CACHD1: variants seen among roughly 807,000 people sequenced by gnomAD.
CACHD1 encodes the protein VWFA and cache domain-containing protein 1.
Under a neutral mutation model 138.7 loss-of-function variants are expected in CACHD1, and 71 were observed. The observed-to-expected ratio is 0.51, with a 90% CI of 0.42 to 0.62. The LOEUF (loss-of-function observed/expected upper bound fraction) is 0.62. CACHD1 is among the 20% of genes least tolerant of loss of function. The probability of loss-of-function intolerance (pLI) is 0.00; values close to 1 mark genes in which losing one functional copy is unlikely to be tolerated. For missense variants in CACHD1, 1,389 were observed against 1,625.3 expected, an observed-to-expected ratio of 0.85 and a Z score of 2.50; for synonymous variants, 578 against 591.5, an observed-to-expected ratio of 0.98 and a Z score of 0.33.
At chr1:64,563,595 A>C (rs957051237) in intron 2 of CACHD1, 3 of 152,220 alleles carry the variant, frequency 2.0e-5, no homozygotes, top group Non-Finnish European at 2.9e-5. Flanking sequence ...TGAACCTTAA[A>C]GAGACAGCAC....
intron 1 of CACHD1, among the ~76,000 whole-genome samples, chr1:64,477,923 C>T (rs922161736): frequency 5.3e-5 from 8 of 151,816 alleles, no homozygotes; most frequent in Non-Finnish European, 1.2e-4. Flanking sequence ...CGTGAGCCAC[C>T]GCGCCCGGCC....
At chr1:64,681,548 T>TTTG (rs1557555797) in intron 25 of CACHD1, among the ~76,000 whole-genome samples, 1 of 114,266 alleles carries the variant, frequency 8.8e-6, no homozygotes, top group East Asian at 2.3e-4. Context: ...TGTGTTTTTT[T>TTTG]TTTTTTTTTT....
chr1:64,627,743 A>C (rs906728145), intron 4 of CACHD1, among the ~76,000 whole-genome samples: 4 of 152,218 alleles, frequency 2.6e-5, no homozygotes, highest in Non-Finnish European at 5.9e-5. Flanking sequence ...AGAAACACAG[A>C]GTCAGAAGAG....
chr1:64,518,157 T>G (rs1646472358), intron 1 of CACHD1, among the ~76,000 whole-genome samples: 1 of 152,214 alleles, frequency 6.6e-6, no homozygotes, highest in African/African-American at 2.4e-5. Context: ...GGGGAAGAGC[T>G]TAAGTGTAGT....
chr1:64,594,155 G>A (rs1284983156), intron 3 of CACHD1, among the ~76,000 whole-genome samples: 1 of 151,698 alleles, frequency 6.6e-6, no homozygotes, highest in Non-Finnish European at 1.5e-5. Flanking sequence ...TTGGGAGGCT[G>A]AAGTAAGAGA....
At chr1:64,494,175 C>T (rs1294036239) in intron 1 of CACHD1, among the ~76,000 whole-genome samples, 8 of 152,216 alleles carry the variant, frequency 5.3e-5, no homozygotes, top group Non-Finnish European at 1.0e-4. Flanking sequence ...CTTCTCTGAG[C>T]CCTAGTGAAA....
chr1:64,474,812 A>G (rs1344140954), intron 1 of CACHD1, among the ~76,000 whole-genome samples: 1 of 152,254 alleles, frequency 6.6e-6, no homozygotes, highest in Non-Finnish European at 1.5e-5. Context: ...GGCCTGGCAC[A>G]AGGCCAGTGT....
intron 1 of CACHD1, among the ~76,000 whole-genome samples, chr1:64,477,676 G>T (rs1003187534): frequency 6.7e-6 from 1 of 148,424 alleles, no homozygotes; most frequent in Non-Finnish European, 1.5e-5. Context: ...CGCCCAGGCC[G>T]GACTGCGGAC....
chr1:64,643,699 G>C (rs868607301), intron 8 of CACHD1, among the ~76,000 whole-genome samples: 1 of 152,108 alleles, frequency 6.6e-6, no homozygotes, highest in Non-Finnish European at 1.5e-5. Context: ...TTAGCCAGGC[G>C]TGGTGGCGGG....
intron 2 of CACHD1, among the ~76,000 whole-genome samples, chr1:64,561,057 G>A (rs1646834908): frequency 1.3e-5 from 2 of 151,886 alleles, no homozygotes; most frequent in South Asian, 2.1e-4. Flanking sequence ...ATTATAGATA[G>A]CATATAGATG....
chr1:64,621,526 A>G lies in CACHD1; in HGVS notation c.518-7829A>G, dbSNP rs113650341. ...AAACACATAGCTACATAAAGAATACACAGGACGTTACCAGTTTTTGCTATG... is the reference window on the plus strand; with the variant it reads ...AAACACATAGCTACATAAAGAATACGCAGGACGTTACCAGTTTTTGCTATG... On this transcript the variant is annotated intron_variant, in intron 4 of 26. Transcript: ENST00000651257. Among the ~76,000 whole-genome samples, 345 of 152,324 alleles carry G rather than the reference A, an allele frequency of 2.3e-3. 2 individuals are homozygous for G. The highest frequency in any genetic ancestry group is 4.3e-3 in the Non-Finnish European group (290 of 68,016).
At position 64,512,009 on chromosome 1, in the gene CACHD1, T is replaced by A. The variant is rs186036321; in HGVS notation, c.199-38585T>A. Among the ~76,000 whole-genome samples the A allele has an allele frequency of 1.8e-4, 27 of 152,318 alleles. No individual in the cohort carries two copies. In the East Asian group the frequency reaches 3.7e-3, roughly 21 times the overall value. The stretch of plus-strand genomic sequence containing the variant: ...AGGTTTTATATATAAAGTTACTGAT[T>A]GTTATTATTTTCCATAACTCTATGA... On this transcript the variant is annotated intron_variant, in intron 1 of 26. Coordinates refer to ENST00000651257, the MANE Select transcript of CACHD1 (RefSeq NM_020925.4).
intron 1 of CACHD1, among the ~76,000 whole-genome samples, chr1:64,512,710 C>T (rs1217766389): frequency 1.3e-5 from 2 of 152,192 alleles, no homozygotes; most frequent in Non-Finnish European, 2.9e-5. Flanking sequence ...TTTGTATTCT[C>T]TGCTCATCAG....
intron 13 of CACHD1, among the ~76,000 whole-genome samples, chr1:64,659,213 T>G (rs1649364168): frequency 6.6e-6 from 1 of 152,162 alleles, no homozygotes; most frequent in Non-Finnish European, 1.5e-5. Flanking sequence ...CTCTGGAGTG[T>G]AAATTACACC....
rs141985781 is a variant in CACHD1, at chr1:64,471,412, T to C, written c.198+470T>C. 6.1e-3 allele frequency among the ~76,000 whole-genome samples: 930 copies of C among 152,284 alleles called. 22 individuals carry two copies. The highest frequency in any genetic ancestry group is 0.047 in the East Asian group (242 of 5,164). The stretch of plus-strand genomic sequence containing the variant: ...CCACCCCACCCCCTTGACCGCGTCC[T>C]CGCGTCCTCGCGTCCTCCCTACCGA... On this transcript the variant is annotated intron_variant, in intron 1 of 26. Transcript: ENST00000651257.
rs116716933 is a variant in CACHD1 at position 64,671,257 on chromosome 1, C to T, written c.2388-307C>T. Among the ~76,000 whole-genome samples the T allele has an allele frequency of 2.1e-3, 320 of 152,230 alleles. 1 individual carries two copies. The highest frequency in any genetic ancestry group is 7.4e-3 in the African/African-American group (306 of 41,536). On this transcript the variant is annotated intron_variant, in intron 16 of 26. Coordinates refer to ENST00000651257, the MANE Select transcript of CACHD1 (RefSeq NM_020925.4). ...TAGTAGTCATGCATCCAACCTCCCA[C>T]CTGATGCCTCTGTGCCCATATTTTT...
rs1488086868 is a variant in CACHD1 at position 64,675,410 on chromosome 1, A to C, written c.2737A>C (p.Thr913Pro). ...KFNTSLAGDL[T>P]NLVHGSHCSK... The stretch of plus-strand genomic sequence containing the variant: ...CTTGATTGTTCTGTAGGGGGATTTG[A>C]CGAACCTTGTGCATGGCAGCCACTG... Residue 913 changes from threonine to proline, a missense_variant, in exon 20 of 27, where the codon ACG becomes CCG. By Grantham distance (38) the Thr-to-Pro change is conservative. Coordinates refer to ENST00000651257, the MANE Select transcript of CACHD1 (RefSeq NM_020925.4). 8.8e-6 allele frequency: 14 copies of C among 1,594,550 alleles called. No individual in the cohort carries two copies. The highest frequency in any genetic ancestry group is 1.2e-5 in the Non-Finnish European group (14 of 1,164,238).
At position 64,529,434 on chromosome 1, in the gene CACHD1, A is replaced by G. The variant is rs376804085; in HGVS notation, c.199-21160A>G. 1.6e-4 allele frequency among the ~76,000 whole-genome samples: 25 copies of G among 152,210 alleles called. No individual in the cohort carries two copies. In the South Asian group the frequency reaches 5.0e-3, roughly 30 times the overall value. ...ATTTATTCTCAATACTTCGCAACCAATCTACAACGGAGAGCTCAAAAATGC... is the reference window on the plus strand; with the variant it reads ...ATTTATTCTCAATACTTCGCAACCAGTCTACAACGGAGAGCTCAAAAATGC... On this transcript the variant is annotated intron_variant, in intron 1 of 26. Transcript: ENST00000651257.
In CACHD1 at chr1:64,584,504, A is replaced by G. The variant is rs538138984; in HGVS notation, c.410+2200A>G. 5.3e-5 allele frequency among the ~76,000 whole-genome samples: 8 copies of G among 152,208 alleles called. No individual in the cohort carries two copies. In the South Asian group the frequency reaches 1.7e-3, roughly 32 times the overall value. ...ATTTCTATGAATGTTTCAAGGAGCAACTCAACAATTGCCCTTTCTTCATAG... is the reference window on the plus strand; with the variant it reads ...ATTTCTATGAATGTTTCAAGGAGCAGCTCAACAATTGCCCTTTCTTCATAG... On this transcript the variant is annotated intron_variant, in intron 3 of 26. Transcript: ENST00000651257.
Sources: allele counts gnomAD v4.1 joint callset (sites outside exome capture counted in the v4.1 genomes callset), GRCh38; gene constraint gnomAD v4.1.1; transcripts MANE v1.5; gene names NCBI Gene and HGNC (gene_info 2026-07-23, HGNC 2026-07-21).